USP37: variants seen among roughly 807,000 people sequenced by gnomAD.
USP37 encodes the protein ubiquitin carboxyl-terminal hydrolase 37.
A neutral mutation model predicts 124.0 loss-of-function variants in USP37; 27 were observed. That is an observed-to-expected ratio of 0.22 (90% CI 0.16 to 0.30). USP37 has a LOEUF of 0.30. USP37 is among the 10% of genes least tolerant of loss of function. The pLI is 1.00. For missense variants in USP37, 889 were observed against 1,140.4 expected, an observed-to-expected ratio of 0.78 and a Z score of 3.17; for synonymous variants, 365 against 388.0, an observed-to-expected ratio of 0.94 and a Z score of 0.70.
At chr2:218,497,243 T>C (rs1689131134) in intron 13 of USP37, among the ~76,000 whole-genome samples, 1 of 150,214 alleles carries the variant, frequency 6.7e-6, no homozygotes. Context: ...GCTAATTTTT[T>C]TTAATCTTTA....
Position 218,488,036 on chromosome 2 carries a change from T to C in USP37, c.1590+268A>G, listed in dbSNP as rs185318384. ...ACGACTCTACCAAAAAGTACAAAAA[T>C]TCACCAGACATGGTGGCATGATCCA... On this transcript the variant is annotated intron_variant, in intron 15 of 25. Transcript: ENST00000258399. Among the ~76,000 whole-genome samples the C allele has an allele frequency of 2.6e-5, 4 of 151,346 alleles. 1 individual carries two copies. Among genetic ancestry groups the C allele is most frequent in the Admixed American group, 2.6e-4 (4 of 15,210 alleles).
intron 20 of USP37, among the ~76,000 whole-genome samples, chr2:218,472,163 T>C (rs1690732147): frequency 6.6e-6 from 1 of 152,138 alleles, no homozygotes; most frequent in Non-Finnish European, 1.5e-5. Flanking sequence ...ACGTAGCAGC[T>C]TAGGGTTCCC....
chr2:218,530,673 G>A (rs1305677036), intron 9 of USP37, among the ~76,000 whole-genome samples: 2 of 152,154 alleles, frequency 1.3e-5, no homozygotes, highest in African/African-American at 4.8e-5. Context: ...AGGGAGGCAC[G>A]TCAAAAGCTG....
At chr2:218,553,498 T>A in intron 5 of USP37, 55 bp downstream of exon 5, 2 of 1,481,332 alleles carry the variant, frequency 1.4e-6, no homozygotes, top group African/African-American at 1.4e-5. Context: ...GTCTGTAGTC[T>A]AGTCATAGCC....
chr2:218,483,729 T>C (rs2105976386), intron 16 of USP37, among the ~76,000 whole-genome samples: 1 of 152,118 alleles, frequency 6.6e-6, no homozygotes, highest in East Asian at 1.9e-4. Context: ...AGGTCAAAAC[T>C]AGTCTTTTTA....
intron 23 of USP37, 21 bp from the exon 24 acceptor site, chr2:218,457,182 T>C (rs1447166663): frequency 3.7e-6 from 6 of 1,609,536 alleles, no homozygotes; most frequent in Non-Finnish European, 5.1e-6. Context: ...GAAGTGGGTA[T>C]AACTTTTAAG....
chr2:218,541,765 C>CTT (rs987503384), intron 8 of USP37, among the ~76,000 whole-genome samples: 2 of 152,068 alleles, frequency 1.3e-5, no homozygotes, highest in Admixed American at 1.3e-4. Context: ...AAACTTAATA[C>CTT]AAGACAGGAG....
chr2:218,498,369 A>C, intron 11 of USP37: 1 of 354,030 alleles, frequency 2.8e-6, no homozygotes. Flanking sequence ...ATTTCTAACA[A>C]GTTACTAGAT....
intron 10 of USP37, among the ~76,000 whole-genome samples, chr2:218,521,706 T>A (rs1180751976): frequency 2.0e-5 from 3 of 152,220 alleles, no homozygotes; most frequent in Non-Finnish European, 4.4e-5. Flanking sequence ...TGTTCATTTT[T>A]TCCCCACCTG....
chr2:218,509,857 G>T, intron 11 of USP37, 122 bp downstream of exon 11: 1 of 931,778 alleles, frequency 1.1e-6, no homozygotes, highest in Non-Finnish European at 1.5e-6. Flanking sequence ...TCTTTAATAA[G>T]TGATCTAATT....
chr2:218,509,818 A>G (rs774804586), intron 11 of USP37, among the ~76,000 whole-genome samples, 161 bp downstream of exon 11: 31 of 152,332 alleles, frequency 2.0e-4, no homozygotes, highest in Non-Finnish European at 3.5e-4. Flanking sequence ...ACAGAAAATG[A>G]AGTTAACATT....
Position 218,530,017 on chromosome 2 carries a change from A to G in USP37, c.802T>C (p.Ser268Pro), listed in dbSNP as rs1691225693. ...TSGLLPLQSS[S>P]FYGSRAGSKE... Reference sequence around the variant, plus strand: ...GATCCAGCTCTGCTACCATAAAAGGATGATGACTGTAAAGGTAAAAGCCCT... The same window carrying G: ...GATCCAGCTCTGCTACCATAAAAGGGTGATGACTGTAAAGGTAAAAGCCCT... Residue 268 changes from serine to proline, a missense_variant, in exon 10 of 26, where the codon TCC (serine) becomes CCC (proline). Around this residue, in one of 3 missense-constraint regions of USP37, gnomAD observed 374 missense variants for 386.0 expected, o/e 0.97. Coordinates refer to ENST00000258399, the MANE Select transcript of USP37 (RefSeq NM_020935.3). 6.2e-7 allele frequency: 1 copy of G among 1,612,964 alleles called. No individual in the cohort carries two copies. The highest frequency in any genetic ancestry group is 1.3e-5 in the African/African-American group (1 of 74,932).
intron 4 of USP37, among the ~76,000 whole-genome samples, chr2:218,557,216 A>G (rs1003974643): frequency 2.6e-5 from 4 of 152,162 alleles, no homozygotes; most frequent in African/African-American, 9.7e-5. Flanking sequence ...TGGTTTTAAC[A>G]AACGAATGCT....
At chr2:218,560,161 G>T (rs1257767140) in intron 3 of USP37, among the ~76,000 whole-genome samples, 1 of 152,046 alleles carries the variant, frequency 6.6e-6, no homozygotes, top group East Asian at 1.9e-4. Context: ...TTAAAATTGC[G>T]AACTCAAATT....
chr2:218,552,198 G>A (rs762878552), intron 5 of USP37, among the ~76,000 whole-genome samples: 12 of 152,076 alleles, frequency 7.9e-5, no homozygotes, highest in Non-Finnish European at 1.6e-4. Context: ...ATCATAAAAA[G>A]CTTTTATTTT....
chr2:218,489,671 G>A (rs746743067), intron 14 of USP37, among the ~76,000 whole-genome samples: 1 of 151,652 alleles, frequency 6.6e-6, no homozygotes. Flanking sequence ...GTAGAGATGG[G>A]GTTTCATCAT....
intron 8 of USP37, among the ~76,000 whole-genome samples, chr2:218,535,529 TGG>T (rs1691582385): frequency 6.6e-6 from 1 of 151,456 alleles, no homozygotes; most frequent in Non-Finnish European, 1.5e-5. Flanking sequence ...CTGGCCAACG[TGG>T]GAAACCCCAT....
chr2:218,555,991 C>T (rs1439978431), intron 4 of USP37, among the ~76,000 whole-genome samples: 1 of 152,114 alleles, frequency 6.6e-6, no homozygotes. Context: ...ACTTTCATTC[C>T]TCATCTAAAC....
At chr2:218,542,264 A>C (rs1331101101) in intron 8 of USP37, among the ~76,000 whole-genome samples, 1 of 152,160 alleles carries the variant, frequency 6.6e-6, no homozygotes, top group East Asian at 1.9e-4. Context: ...TGCAAACTTA[A>C]AAAAAATCTA....
Sources: allele counts gnomAD v4.1 joint callset (sites outside exome capture counted in the v4.1 genomes callset), GRCh38; gene constraint gnomAD v4.1.1; regional missense constraint gnomAD v4.1.1; transcripts MANE v1.5; gene names NCBI Gene and HGNC (gene_info 2026-07-23, HGNC 2026-07-21).